Variants in AKAP7 observed in about 807,000 individuals in gnomAD.
AKAP7 encodes A kinase (PRKA) anchor protein 7.
A neutral mutation model predicts 39.5 loss-of-function variants in AKAP7; 39 were observed. The observed-to-expected ratio is 0.99, with a 90% CI of 0.76 to 1.29. The LOEUF is 1.29. AKAP7 is among the 50% of genes most tolerant of loss of function. AKAP7 has a pLI of 0.00. For missense variants in AKAP7, 414 were observed against 407.7 expected (o/e 1.02, Z -0.13); for synonymous variants, 140 against 139.1 (o/e 1.01, Z -0.05).
At chr6:131,143,274 C>A (rs1801197715) in intron 1 of AKAP7, among the ~76,000 whole-genome samples, 2 of 151,948 alleles carry the variant, frequency 1.3e-5, no homozygotes, top group Non-Finnish European at 2.9e-5. Flanking sequence ...AGATGTAATC[C>A]CCAATGTTGG....
At chr6:131,221,318 G>A (rs773174946) in intron 7 of AKAP7, among the ~76,000 whole-genome samples, 4 of 152,216 alleles carry the variant, frequency 2.6e-5, no homozygotes, top group Non-Finnish European at 4.4e-5. Context: ...AGAAAGGTGA[G>A]CAAGGTGCAG....
chr6:131,142,203 A>G (rs976287379), intron 1 of AKAP7, among the ~76,000 whole-genome samples: 1 of 152,204 alleles, frequency 6.6e-6, no homozygotes, highest in Non-Finnish European at 1.5e-5. Flanking sequence ...TAGCATGACT[A>G]AAATGGAGGC....
At chr6:131,152,153 G>A (rs1801975161) in intron 2 of AKAP7, among the ~76,000 whole-genome samples, 1 of 152,134 alleles carries the variant, frequency 6.6e-6, no homozygotes, top group Non-Finnish European at 1.5e-5. Context: ...ATTAACAAGT[G>A]GAATAAATTA....
chr6:131,138,213 A>G (rs1271994940), intron 1 of AKAP7, among the ~76,000 whole-genome samples: 2 of 152,206 alleles, frequency 1.3e-5, no homozygotes, highest in Non-Finnish European at 2.9e-5. Context: ...GTGAGAACAT[A>G]GAAAGTTTGT....
intron 3 of AKAP7, among the ~76,000 whole-genome samples, chr6:131,162,816 C>T (rs561315905): frequency 1.8e-4 from 28 of 152,262 alleles, no homozygotes; most frequent in Middle Eastern, 3.4e-3. Flanking sequence ...ATGACCACCT[C>T]GTCTAGGTCA....
At chr6:131,275,832 G>A (rs1314834873) in intron 7 of AKAP7, among the ~76,000 whole-genome samples, 1 of 152,340 alleles carries the variant, frequency 6.6e-6, no homozygotes, top group African/African-American at 2.4e-5. Flanking sequence ...AAATGCGCCA[G>A]CACTTGCTGT....
At chr6:131,208,967 G>A (rs1585092881) in intron 6 of AKAP7, among the ~76,000 whole-genome samples, 1 of 152,328 alleles carries the variant, frequency 6.6e-6, no homozygotes, top group East Asian at 1.9e-4. Flanking sequence ...GGTTCCTTCT[G>A]AGTGTAACAG....
intron 6 of AKAP7, among the ~76,000 whole-genome samples, chr6:131,205,972 G>GT (rs1283164061): frequency 1.3e-5 from 2 of 152,116 alleles, no homozygotes; most frequent in African/African-American, 4.8e-5. Flanking sequence ...TTTTTGTACG[G>GT]TATCTTTTTG....
At chr6:131,174,695 A>G (rs1804407478) in intron 5 of AKAP7, among the ~76,000 whole-genome samples, 1 of 152,268 alleles carries the variant, frequency 6.6e-6, no homozygotes, top group Admixed American at 6.5e-5. Context: ...GTTTGTTCAA[A>G]TGATATATTC....
intron 1 of AKAP7, among the ~76,000 whole-genome samples, chr6:131,144,509 A>G (rs1801321627): frequency 1.3e-5 from 2 of 152,252 alleles, no homozygotes; most frequent in South Asian, 4.1e-4. Flanking sequence ...TAGTTCGGAC[A>G]GCATTTGTGT....
intron 7 of AKAP7, chr6:131,250,547 AAGAC>A (rs780888800): frequency 1.9e-6 from 3 of 1,613,984 alleles, no homozygotes; most frequent in Non-Finnish European, 2.5e-6. Context: ...AACACCAGGA[AAGAC>A]AGACAGGACC....
At chr6:131,144,988 A>T (rs1182591862) in intron 1 of AKAP7, among the ~76,000 whole-genome samples, 1 of 152,230 alleles carries the variant, frequency 6.6e-6, no homozygotes, top group African/African-American at 2.4e-5. Context: ...TAGTTTTAGA[A>T]TTAAAATATA....
In AKAP7 at chr6:131,266,763, G is replaced by A. The variant is rs558129881; in HGVS notation, c.851-14767G>A. On this transcript the variant is annotated intron_variant, in intron 7 of 7. Transcript: ENST00000431975. ...TCATTTTTATGATATTTCTAGAAAA[G>A]TTGGCCAAAGATGACCCTTTCTCTT... 2.0e-5 allele frequency among the ~76,000 whole-genome samples: 3 copies of A among 151,888 alleles called. No individual in the cohort carries two copies. In the East Asian group the frequency reaches 5.8e-4, roughly 29 times the overall value.
intron 7 of AKAP7, among the ~76,000 whole-genome samples, chr6:131,253,493 G>A (rs894992197): frequency 4.6e-5 from 7 of 151,822 alleles, no homozygotes; most frequent in Non-Finnish European, 8.8e-5. Flanking sequence ...ATTTTGGAAT[G>A]TACAATAAAT....
intron 5 of AKAP7, among the ~76,000 whole-genome samples, chr6:131,186,602 A>C (rs1209314167): frequency 6.6e-6 from 1 of 152,202 alleles, no homozygotes; most frequent in Non-Finnish European, 1.5e-5. Context: ...GGAAATGGGA[A>C]GTTCAAGATC....
At chr6:131,138,023 G>A (rs960822057) in intron 1 of AKAP7, among the ~76,000 whole-genome samples, 3 of 152,054 alleles carry the variant, frequency 2.0e-5, no homozygotes, top group South Asian at 2.1e-4. Context: ...AGTTGTCATT[G>A]TCGCGAGCAT....
Position 131,281,782 on chromosome 6 carries a change from G to T in AKAP7, c.*56G>T, listed in dbSNP as rs1252339036. On this transcript the variant is annotated 3_prime_UTR_variant, in exon 8 of 8. Transcript: ENST00000431975. This position sits in a 1 kb window ranked among gnomAD's most constrained non-coding sequence, Gnocchi z 4.0. ...CAAAGCCTCCCTGCTTCCCTCTGCT[G>T]AGTCTAGGGACTGACTTGCAGCGTG... 2.7e-6 allele frequency: 4 copies of T among 1,504,308 alleles called. No individual in the cohort carries two copies. Among genetic ancestry groups the T allele is most frequent in the Non-Finnish European group, 3.5e-6 (4 of 1,127,596 alleles). 93.2% of individuals were successfully genotyped at this position (1,504,308 alleles called of 1,614,324 possible). A position where few individuals can be genotyped will look rare whatever the true frequency, so the allele number is the denominator to read the frequency against.
chr6:131,264,847 G>A (rs1813652585), intron 7 of AKAP7, among the ~76,000 whole-genome samples: 1 of 152,236 alleles, frequency 6.6e-6, no homozygotes, highest in African/African-American at 2.4e-5. Flanking sequence ...ACATCACATG[G>A]CAAGAGCAGG....
At chr6:131,279,231 C>G (rs1471712056) in intron 7 of AKAP7, among the ~76,000 whole-genome samples, 2 of 152,108 alleles carry the variant, frequency 1.3e-5, no homozygotes, top group Admixed American at 6.6e-5. Context: ...ATAATAGTAA[C>G]AGCATAAACA....
Sources: allele counts gnomAD v4.1 joint callset (sites outside exome capture counted in the v4.1 genomes callset), GRCh38; gene constraint gnomAD v4.1.1; non-coding constraint Gnocchi (gnomAD v3.1); transcripts MANE v1.5; gene names NCBI Gene and HGNC (gene_info 2026-07-23, HGNC 2026-07-21).